Variants in SPTBN1 observed in about 807,000 individuals in gnomAD.
SPTBN1 encodes spectrin beta, non-erythrocytic 1.
In SPTBN1, 32 loss-of-function variants were observed where a neutral mutation model predicts 266.4. The observed-to-expected ratio is 0.12, with a 90% CI of 0.09 to 0.16. The LOEUF (loss-of-function observed/expected upper bound fraction) is 0.16. SPTBN1 is among the 10% of genes least tolerant of loss of function. SPTBN1 has a pLI of 1.00. For synonymous variants in SPTBN1, 1,336 were observed against 1,162.2 expected (o/e 1.15, Z -3.04); for missense variants, 2,296 against 3,067.1 (o/e 0.75, Z 5.94).
rs1244501140 is a variant in SPTBN1, at chr2:54,554,545, C to T, written c.148+27979C>T. Reference sequence around the variant, plus strand: ...GCAGGGTGAACCCAAATCACTAATACATTTAATACTAAACATTCCAGAAGG... The same window carrying T: ...GCAGGGTGAACCCAAATCACTAATATATTTAATACTAAACATTCCAGAAGG... On this transcript the variant is annotated intron_variant, in intron 2 of 35. Coordinates refer to ENST00000356805, the MANE Select transcript of SPTBN1 (RefSeq NM_003128.3). This position sits in a 1 kb window ranked among gnomAD's most constrained non-coding sequence, Gnocchi z 4.5. Among the ~76,000 whole-genome samples the T allele has an allele frequency of 6.6e-6, 1 of 152,182 alleles. No homozygotes were observed. Among genetic ancestry groups the T allele is most frequent in the Admixed American group, 6.5e-5 (1 of 15,272 alleles).
chr2:54,608,760 C>T (rs1342649093), intron 3 of SPTBN1, among the ~76,000 whole-genome samples: 1 of 151,890 alleles, frequency 6.6e-6, no homozygotes, highest in East Asian at 1.9e-4. Context: ...TTTAGGGGCA[C>T]CAACCCCATG....
At chr2:54,461,198 T>G (rs993611023) in intron 1 of SPTBN1, among the ~76,000 whole-genome samples, 17 of 152,228 alleles carry the variant, frequency 1.1e-4, no homozygotes, top group Non-Finnish European at 5.9e-5. Context: ...GAACTTTATA[T>G]CAACAAAATT....
chr2:54,608,707 C>T (rs904996853), intron 3 of SPTBN1, among the ~76,000 whole-genome samples: 44 of 151,338 alleles, frequency 2.9e-4, no homozygotes, highest in African/African-American at 1.0e-3. Context: ...CGCACGAGTG[C>T]GCGCATGCAC....
chr2:54,607,964 G>A (rs778688484), intron 3 of SPTBN1, among the ~76,000 whole-genome samples: 1 of 152,166 alleles, frequency 6.6e-6, no homozygotes, highest in Non-Finnish European at 1.5e-5. Flanking sequence ...CCTTTCAGAC[G>A]TTTTCCGTAC....
At chr2:54,542,988 A>G (rs1302776664) in intron 2 of SPTBN1, among the ~76,000 whole-genome samples, 1 of 152,172 alleles carries the variant, frequency 6.6e-6, no homozygotes, top group African/African-American at 2.4e-5. Context: ...AGCCTTTGGA[A>G]ACTGTATGGG....
At chr2:54,583,524 A>AT (rs1389925468) in intron 2 of SPTBN1, among the ~76,000 whole-genome samples, 1 of 152,122 alleles carries the variant, frequency 6.6e-6, no homozygotes, top group African/African-American at 2.4e-5. Context: ...TGCTAGGAAC[A>AT]TGGTTTGAAA....
rs566470580 is a variant in SPTBN1 at position 54,551,721 on chromosome 2, TG to T, written c.148+25161del. Among the ~76,000 whole-genome samples, 538 of 151,798 alleles carry T rather than the reference TG, an allele frequency of 3.5e-3. 6 individuals carry two copies. The highest frequency in any genetic ancestry group is 0.012 in the African/African-American group (504 of 41,360). The stretch of plus-strand genomic sequence containing the variant: ...GTATACTTAGATGGTTTTATGGGTG[TG>T]GGGGGAATGGGGGGAAGGTGTAAAG... On this transcript the variant is annotated intron_variant, in intron 2 of 35. Coordinates refer to ENST00000356805, the MANE Select transcript of SPTBN1 (RefSeq NM_003128.3).
chr2:54,461,301 C>A (rs1195096272), intron 1 of SPTBN1, among the ~76,000 whole-genome samples: 1 of 152,142 alleles, frequency 6.6e-6, no homozygotes, highest in East Asian at 1.9e-4. Context: ...TCAGTTTCAC[C>A]TGCTGTATAG....
At chr2:54,659,310 G>T in intron 31 of SPTBN1, 44 bp downstream of exon 31, 1 of 1,592,530 alleles carries the variant, frequency 6.3e-7, no homozygotes, top group Non-Finnish European at 8.6e-7. Context: ...AGCCTCGGTG[G>T]CCAATGAGGT....
In SPTBN1 at chr2:54,653,995, T is replaced by C; in HGVS notation, c.5822+142T>C. 3 of 1,276,354 alleles carry C rather than the reference T, an allele frequency of 2.4e-6. No homozygotes were observed. Among genetic ancestry groups the C allele is most frequent in the Non-Finnish European group, 3.2e-6 (3 of 940,458 alleles). The allele number at this position is 1,276,354 out of a possible 1,614,324, so 79.1% of individuals were successfully genotyped here. ...AGTGGGGGTGGGGCGGTGCTTGGAG[T>C]GCGGCACCACTGCTTGCCTCGTGCA... On this transcript the variant is annotated intron_variant, in intron 27 of 35. Transcript: ENST00000356805. The surrounding 1 kb of genome is among the most constrained non-coding windows in gnomAD (Gnocchi z 5.1).
intron 35 of SPTBN1, among the ~76,000 whole-genome samples, chr2:54,668,124 T>C (rs544016246): frequency 1.5e-4 from 23 of 152,156 alleles, no homozygotes; most frequent in Non-Finnish European, 2.4e-4. Flanking sequence ...CTGTTACAAG[T>C]TTGTAGGGCC....
In SPTBN1 at chr2:54,597,421, CTG is replaced by C. The variant is rs1287021377; in HGVS notation, c.149-1669_149-1668del. ...CTTCTCCACTGCAGCCTGCCCCTTA[CTG>C]TCTTTTTCTGCTTCCTCTAATCCTG... On this transcript the variant is annotated intron_variant, in intron 2 of 35. Coordinates refer to ENST00000356805, the MANE Select transcript of SPTBN1 (RefSeq NM_003128.3). 5.3e-5 allele frequency among the ~76,000 whole-genome samples: 8 copies of C among 152,334 alleles called. No homozygotes were observed. In the South Asian group the frequency reaches 1.5e-3, roughly 28 times the overall value.
intron 3 of SPTBN1, 122 bp downstream of exon 3, chr2:54,599,365 G>T (rs1676320657): frequency 2.4e-6 from 3 of 1,227,000 alleles, no homozygotes; most frequent in East Asian, 4.8e-5. Context: ...GGAGAATCTT[G>T]AGAAGTGAGT....
intron 28 of SPTBN1, 114 bp downstream of exon 28, chr2:54,655,322 A>C (rs1019108185): frequency 4.4e-6 from 6 of 1,351,404 alleles, no homozygotes; most frequent in Non-Finnish European, 6.0e-6. Flanking sequence ...ACACACACAC[A>C]TATGTTTTAA....
chr2:54,559,790 A>G (rs1673158193), intron 2 of SPTBN1, among the ~76,000 whole-genome samples: 1 of 152,230 alleles, frequency 6.6e-6, no homozygotes, highest in South Asian at 2.1e-4. Flanking sequence ...GTAAAAAAGT[A>G]GTATTCGAGG....
At chr2:54,595,263 C>G (rs1034225164) in intron 2 of SPTBN1, among the ~76,000 whole-genome samples, 4 of 152,164 alleles carry the variant, frequency 2.6e-5, no homozygotes, top group Non-Finnish European at 5.9e-5. Flanking sequence ...GCTGGGCAGT[C>G]TTTAGATGAG....
intron 17 of SPTBN1, among the ~76,000 whole-genome samples, chr2:54,634,217 G>A (rs553271866): frequency 6.6e-6 from 1 of 152,290 alleles, no homozygotes; most frequent in East Asian, 1.9e-4. Flanking sequence ...CTGCCTTGCT[G>A]CTTCCTCGGT....
chr2:54,582,895 C>G (rs540186450), intron 2 of SPTBN1, among the ~76,000 whole-genome samples: 21 of 152,282 alleles, frequency 1.4e-4, no homozygotes, highest in African/African-American at 3.6e-4. Flanking sequence ...TGCTCTTATA[C>G]AAAATATGTT....
At chr2:54,551,722 G>C (rs552065040) in intron 2 of SPTBN1, among the ~76,000 whole-genome samples, 15 of 151,136 alleles carry the variant, frequency 9.9e-5, no homozygotes, top group East Asian at 3.9e-4. Flanking sequence ...TTATGGGTGT[G>C]GGGGGAATGG....
Sources: gnomAD v4.1 joint callset for allele counts (sites outside exome capture counted in the v4.1 genomes callset) on GRCh38, gnomAD v4.1.1 for gene constraint, Gnocchi (gnomAD v3.1) non-coding constraint, MANE v1.5 for transcripts, NCBI Gene and HGNC (gene_info 2026-07-23, HGNC 2026-07-21) for gene names.